Variants in RPA2 observed in about 807,000 individuals in gnomAD.
RPA2 encodes the protein replication protein A2.
Under a neutral mutation model 33.4 loss-of-function variants are expected in RPA2, and 22 were observed. The ratio of observed to expected loss-of-function variants is 0.66; its 90% CI spans 0.47 to 0.94. The LOEUF (loss-of-function observed/expected upper bound fraction) is 0.94. Ranked by LOEUF, RPA2 falls within the 40% of genes least tolerant of loss-of-function variation. RPA2 has a pLI of 0.00. For synonymous variants in RPA2, 109 were observed against 114.9 expected (o/e 0.95, Z 0.33); for missense variants, 279 against 329.9 (o/e 0.85, Z 1.19).
In RPA2 at chr1:27,892,080, G is replaced by C; in HGVS notation, c.*83C>G. The C allele has an allele frequency of 8.8e-7, 1 of 1,141,174 alleles. No homozygotes were observed. Among genetic ancestry groups the C allele is most frequent in the Non-Finnish European group, 1.3e-6 (1 of 770,676 alleles). The allele number at this position is 1,141,174 out of a possible 1,614,324, so 70.7% of individuals were successfully genotyped here. A position where few individuals can be genotyped will look rare whatever the true frequency, so the allele number is the denominator to read the frequency against. On this transcript the variant is annotated 3_prime_UTR_variant, in exon 9 of 9. Transcript: ENST00000373912. ...AAACCTACTTCCTAGAAGCCCCCTG[G>C]CCAGACATATGCAGAGCTGGAGACA...
chr1:27,899,247 G>A (rs1323452540), intron 4 of RPA2, among the ~76,000 whole-genome samples: 1 of 151,582 alleles, frequency 6.6e-6, no homozygotes, highest in Non-Finnish European at 1.5e-5. Context: ...AGTGGCTCAC[G>A]CCTGTAATCC....
chr1:27,914,012 C>A (rs768931332), intron 2 of RPA2, 51 bp downstream of exon 2: 22 of 1,489,736 alleles, frequency 1.5e-5, no homozygotes, highest in Non-Finnish European at 2.0e-5. Flanking sequence ...ATAGATGACT[C>A]AGGGACTTCA....
Position 27,907,032 on chromosome 1 carries a change from C to T in RPA2, c.229G>A (p.Val77Met). Reference sequence around the variant, plus strand: ...TTCTCTGCATGTCTGATGATCCCCACAATAGTGACCTAGGTTAGAAGAAAC... The same window carrying T: ...TTCTCTGCATGTCTGATGATCCCCATAATAGTGACCTAGGTTAGAAGAAAC... ...GNVEISQVTI[V>M]GIIRHAEKAP... is the part of the protein sequence containing the mutation. Residue 77 changes from valine (V) to methionine (M), a missense_variant, in exon 4 of 9, where the codon GTG becomes ATG. Physicochemically the swap from Val to Met is conservative, Grantham distance 21. Transcript: ENST00000373912. The T allele has an allele frequency of 6.2e-7, 1 of 1,606,304 alleles. No individual in the cohort carries two copies. Among genetic ancestry groups the T allele is most frequent in the Non-Finnish European group, 8.5e-7 (1 of 1,177,006 alleles).
chr1:27,906,236 G>A (rs187469967), intron 4 of RPA2, among the ~76,000 whole-genome samples: 122 of 151,660 alleles, frequency 8.0e-4, no homozygotes, highest in African/African-American at 2.9e-3. Context: ...GTGTGGTGGC[G>A]GGTGCCTGTA....
chr1:27,893,461 G>A (rs550405353), intron 8 of RPA2, among the ~76,000 whole-genome samples: 3 of 151,928 alleles, frequency 2.0e-5, no homozygotes, highest in Non-Finnish European at 4.4e-5. Flanking sequence ...ATGCGCCACT[G>A]TGCCCGGCTA....
rs190804063 is a variant in RPA2 at position 27,905,656 on chromosome 1, G to A, written c.333+1272C>T. 1.1e-4 allele frequency among the ~76,000 whole-genome samples: 17 copies of A among 150,930 alleles called. No homozygotes were observed. The East Asian group carries it at 2.6e-3, about 23-fold the overall frequency. ...CTCCTAAGCTGTGGAGTTCTGCTAG[G>A]TCACCACTGTTTGTCTTTTTTTGTT... On this transcript the variant is annotated intron_variant, in intron 4 of 8. Coordinates refer to ENST00000373912, the MANE Select transcript of RPA2 (RefSeq NM_002946.5).
intron 4 of RPA2, among the ~76,000 whole-genome samples, chr1:27,906,302 G>A (rs1221984153): frequency 1.3e-5 from 2 of 151,702 alleles, no homozygotes; most frequent in African/African-American, 4.8e-5. Flanking sequence ...GGGGCCCAGA[G>A]GCTGCAATGA....
At chr1:27,894,800 CTT>C (rs1248258955) in intron 6 of RPA2, among the ~76,000 whole-genome samples, 5 of 152,076 alleles carry the variant, frequency 3.3e-5, no homozygotes, top group African/African-American at 4.8e-5. Flanking sequence ...ATCGTCCTCT[CTT>C]TCTTTCTTTT....
chr1:27,912,728 A>G (rs536864576), intron 2 of RPA2, among the ~76,000 whole-genome samples: 9 of 152,308 alleles, frequency 5.9e-5, no homozygotes, highest in African/African-American at 2.2e-4. Flanking sequence ...TGAAGTCACA[A>G]TGCCAGTTAA....
chr1:27,908,637 T>C (rs982842538), intron 2 of RPA2, among the ~76,000 whole-genome samples: 13 of 151,910 alleles, frequency 8.6e-5, no homozygotes, highest in Non-Finnish European at 1.5e-5. Flanking sequence ...GCTGGGATTA[T>C]AGGTGCACGC....
chr1:27,894,111 A>T lies in RPA2; in HGVS notation c.634-5T>A, dbSNP rs55822649. The T allele has an allele frequency of 1.4e-5, 22 of 1,612,484 alleles. No homozygotes were observed. In the East Asian group the frequency reaches 4.7e-4, roughly 34 times the overall value. On this transcript the variant is annotated splice_region_variant and splice_polypyrimidine_tract_variant and intron_variant, in intron 7 of 8. Transcript: ENST00000373912. ...AGCCTTAATCAAATTCAACACCTGA[A>T]GATTCAAATCAGAAAGATTTTAGCA...
In RPA2 at chr1:27,894,080, T is replaced by C. The variant is rs758083000; in HGVS notation, c.660A>G (p.Pro220=). 2.5e-6 allele frequency: 4 copies of C among 1,614,122 alleles called. No homozygotes were observed. The South Asian group carries it at 3.3e-5, about 13-fold the overall frequency. Residue 220 remains proline (P), a synonymous_variant, in exon 8 of 9, where the codon CCA becomes CCG. Transcript: ENST00000373912. ...NQVLNLIKAC[P]RPEGLNFQDL... ...CCTGAAAGTTCAACCCTTCAGGTCTTGGACAAGCCTTAATCAAATTCAACA... is the reference window on the plus strand; with the variant it reads ...CCTGAAAGTTCAACCCTTCAGGTCTCGGACAAGCCTTAATCAAATTCAACA...
At chr1:27,907,101 A>T (rs2090039184) in intron 3 of RPA2, 60 bp from the exon 4 acceptor site, 1 of 1,569,970 alleles carries the variant, frequency 6.4e-7, no homozygotes, top group African/African-American at 1.4e-5. Flanking sequence ...AACCAAGGCT[A>T]CATTTTTGTA....
intron 5 of RPA2, among the ~76,000 whole-genome samples, chr1:27,897,364 T>C (rs2089906132): frequency 6.6e-6 from 1 of 152,032 alleles, no homozygotes; most frequent in African/African-American, 2.4e-5. Flanking sequence ...GACTCCTGAC[T>C]CCGAATCTAG....
intron 8 of RPA2, 21 bp from the exon 9 acceptor site, chr1:27,892,268 A>G: frequency 2.4e-5 from 38 of 1,607,710 alleles, no homozygotes; most frequent in Non-Finnish European, 3.1e-5. Context: ...AGAAGAAAAA[A>G]AAAAGGTCAT....
At chr1:27,907,345 T>C in intron 2 of RPA2, 63 bp from the exon 3 acceptor site, 2 of 1,214,120 alleles carry the variant, frequency 1.6e-6, no homozygotes, top group South Asian at 2.6e-5. Flanking sequence ...ATTCAACACC[T>C]GCCATGTGCC....
At position 27,896,954 on chromosome 1, in the gene RPA2, GC is replaced by G. The variant is rs372465557; in HGVS notation, c.525+50del. 80 of 1,349,864 alleles carry G rather than the reference GC, an allele frequency of 5.9e-5. No homozygotes were observed. In the African/African-American group the frequency reaches 1.1e-3, roughly 18 times the overall value. 83.6% of individuals were successfully genotyped at this position (1,349,864 alleles called of 1,614,324 possible). On this transcript the variant is annotated intron_variant, in intron 6 of 8. Transcript: ENST00000373912. ...AAATCAAAGCTGGAACACAAAAGTA[GC>G]CTGTGTTCTTCCAGGGAAGAGAAAA...
intron 4 of RPA2, among the ~76,000 whole-genome samples, chr1:27,905,605 G>C (rs2090017411): frequency 6.6e-6 from 1 of 150,758 alleles, no homozygotes; most frequent in South Asian, 2.1e-4. Context: ...CTTTGTACCT[G>C]TCTTTAATTC....
At chr1:27,897,470 T>TA (rs55902224) in intron 5 of RPA2, among the ~76,000 whole-genome samples, 163 bp downstream of exon 5, 82 of 144,508 alleles carry the variant, frequency 5.7e-4, no homozygotes, top group South Asian at 1.1e-3. Flanking sequence ...ATGTTAAGGT[T>TA]AAAAAAAAAA....
Sources: gnomAD v4.1 joint callset for allele counts (sites outside exome capture counted in the v4.1 genomes callset) on GRCh38, gnomAD v4.1.1 for gene constraint, MANE v1.5 for transcripts, NCBI Gene and HGNC (gene_info 2026-07-23, HGNC 2026-07-21) for gene names.